BAZ1A: variants seen among roughly 807,000 people sequenced by gnomAD.
The protein encoded by BAZ1A is bromodomain adjacent to zinc finger domain protein 1A.
A neutral mutation model predicts 185.2 loss-of-function variants in BAZ1A; 50 were observed. The observed-to-expected ratio is 0.27, with a 90% CI of 0.22 to 0.34. BAZ1A has a LOEUF of 0.34. BAZ1A is among the 10% of genes least tolerant of loss of function. The pLI, the probability that BAZ1A is intolerant of heterozygous loss-of-function variation, is 1.00. For synonymous variants in BAZ1A, 571 were observed against 615.6 expected, an observed-to-expected ratio of 0.93 and a Z score of 1.07; for missense variants, 1,356 against 1,839.9, an observed-to-expected ratio of 0.74 and a Z score of 4.81.
At chr14:34,836,028 T>C (rs1211518053) in intron 3 of BAZ1A, among the ~76,000 whole-genome samples, 1 of 151,876 alleles carries the variant, frequency 6.6e-6, no homozygotes, top group Non-Finnish European at 1.5e-5. Context: ...AAAAAGCTAT[T>C]TTTAGTAGCC....
At chr14:34,826,403 T>A (rs1466136735) in intron 3 of BAZ1A, among the ~76,000 whole-genome samples, 1 of 152,232 alleles carries the variant, frequency 6.6e-6, no homozygotes, top group Non-Finnish European at 1.5e-5. Context: ...TTTCCTTCCT[T>A]CTGCTAGCTC....
Position 34,762,134 on chromosome 14 carries a change from T to C in BAZ1A, c.3866A>G (p.Gln1289Arg). The C allele has an allele frequency of 6.2e-7, 1 of 1,613,506 alleles. No individual in the cohort carries two copies. Among genetic ancestry groups the C allele is most frequent in the South Asian group, 1.1e-5 (1 of 90,458 alleles). ...SSSFSSRGQQ[Q>R]EPGRYPSRSQ... ...CCTTGAAGGGTATCTTCCAGGTTCT[T>C]GTTGTTGGCCACGACTTGAGAAAGA... Residue 1289 changes from glutamine to arginine, a missense_variant, in exon 24 of 27, where the codon CAA becomes CGA. Gln to Arg is a conservative substitution (Grantham distance 43, BLOSUM62 1). Around this residue, in one of 7 missense-constraint regions of BAZ1A, gnomAD observed 309 missense variants for 355.3 expected, o/e 0.87. Coordinates refer to ENST00000360310, the MANE Select transcript of BAZ1A (RefSeq NM_013448.3).
At chr14:34,778,812 TCAGA>T (rs1323820655) in intron 17 of BAZ1A, among the ~76,000 whole-genome samples, 4 of 152,246 alleles carry the variant, frequency 2.6e-5, no homozygotes, top group Admixed American at 1.3e-4. Context: ...TTTGTCTTTC[TCAGA>T]CAAACACACT....
intron 4 of BAZ1A, among the ~76,000 whole-genome samples, chr14:34,824,649 T>C (rs2042139918): frequency 6.6e-6 from 1 of 152,184 alleles, no homozygotes; most frequent in Non-Finnish European, 1.5e-5. Context: ...CACAGTCAAT[T>C]CTCAAATGCT....
chr14:34,781,787 G>A (rs1049291947), intron 16 of BAZ1A, among the ~76,000 whole-genome samples: 2 of 152,164 alleles, frequency 1.3e-5, no homozygotes, highest in Non-Finnish European at 2.9e-5. Context: ...GTGAGCCACC[G>A]CAATTGGTCG....
intron 12 of BAZ1A, among the ~76,000 whole-genome samples, chr14:34,787,617 A>T (rs547052080): frequency 6.6e-6 from 1 of 152,126 alleles, no homozygotes; most frequent in East Asian, 1.9e-4. Flanking sequence ...TGGGAGGCAC[A>T]GGTTTCAGTG....
chr14:34,821,403 T>C (rs2042087292), intron 4 of BAZ1A, among the ~76,000 whole-genome samples: 1 of 152,216 alleles, frequency 6.6e-6, no homozygotes, highest in South Asian at 2.1e-4. Context: ...AAATACTTGT[T>C]CCCTTCCCTT....
rs1886544572 is a variant in BAZ1A, at chr14:34,762,005, G to C, written c.3995C>G (p.Ala1332Gly). The C allele has an allele frequency of 2.5e-6, 4 of 1,614,172 alleles. No homozygotes were observed. In the East Asian group the frequency reaches 8.9e-5, roughly 36 times the overall value. ...ATGACTGTGGCGAGTAGAACGACTGGCAATTCTTAAAGATTTTGTTTCTGT... is the reference window on the plus strand; with the variant it reads ...ATGACTGTGGCGAGTAGAACGACTGCCAATTCTTAAAGATTTTGTTTCTGT... ...PPTETKSLRIASRSTRHSHGP... is the reference protein window; with the variant it reads ...PPTETKSLRIGSRSTRHSHGP... The change falls in exon 24 of 27, where the codon GCC becomes GGC. Residue 1332 changes from alanine to glycine, a missense_variant. Around this residue, in one of 7 missense-constraint regions of BAZ1A, gnomAD observed 309 missense variants for 355.3 expected, o/e 0.87. Transcript: ENST00000360310.
chr14:34,775,102 G>T (rs1879502778), intron 18 of BAZ1A, among the ~76,000 whole-genome samples: 1 of 151,956 alleles, frequency 6.6e-6, no homozygotes, highest in African/African-American at 2.4e-5. Flanking sequence ...TGTTATCCCA[G>T]CTACTTGGGA....
chr14:34,781,874 G>C (rs778799203), intron 16 of BAZ1A, among the ~76,000 whole-genome samples: 1 of 152,110 alleles, frequency 6.6e-6, no homozygotes, highest in Non-Finnish European at 1.5e-5. Flanking sequence ...CCTTTTTATT[G>C]TTGAACAATA....
intron 2 of BAZ1A, among the ~76,000 whole-genome samples, chr14:34,869,438 G>A (rs759918730): frequency 2.0e-5 from 3 of 152,154 alleles, no homozygotes; most frequent in South Asian, 2.1e-4. Flanking sequence ...GAAAGAGACA[G>A]AACTATCTCA....
intron 21 of BAZ1A, among the ~76,000 whole-genome samples, chr14:34,769,707 T>C (rs1879083265): frequency 6.6e-6 from 1 of 152,236 alleles, no homozygotes; most frequent in Non-Finnish European, 1.5e-5. Flanking sequence ...GGAATCACAG[T>C]GTTAGTAGTA....
In BAZ1A at chr14:34,874,085, C is replaced by A. The variant is rs2042998858; in HGVS notation, c.113+407G>T. Among the ~76,000 whole-genome samples, 1 of 152,186 alleles carries A rather than the reference C, an allele frequency of 6.6e-6. No homozygotes were observed. The highest frequency in any genetic ancestry group is 6.5e-5 in the Admixed American group (1 of 15,288). ...GCCCAGGGACTGCGGCCCCACGTCG[C>A]TGACCCTAGCGGGGATCCCCTCGGC... On this transcript the variant is annotated intron_variant, in intron 2 of 26. Transcript: ENST00000360310. This position sits in a 1 kb window ranked among gnomAD's most constrained non-coding sequence, Gnocchi z 4.7.
chr14:34,822,560 C>G (rs1338013422), intron 4 of BAZ1A, among the ~76,000 whole-genome samples: 4 of 151,554 alleles, frequency 2.6e-5, no homozygotes, highest in African/African-American at 4.9e-5. Flanking sequence ...CTGCAGTGAA[C>G]TGAGATCACG....
intron 12 of BAZ1A, among the ~76,000 whole-genome samples, chr14:34,789,980 A>G (rs1880734897): frequency 6.6e-6 from 1 of 152,332 alleles, no homozygotes; most frequent in African/African-American, 2.4e-5. Flanking sequence ...GCAGAAAATA[A>G]TATCTACCTC....
chr14:34,811,122 T>G (rs2041924307), intron 4 of BAZ1A, 86 bp from the exon 5 acceptor site: 2 of 946,496 alleles, frequency 2.1e-6, no homozygotes, highest in East Asian at 5.5e-5. Flanking sequence ...AAGAATATAC[T>G]ATAATAAAAT....
chr14:34,822,022 T>C (rs1447981508), intron 4 of BAZ1A, among the ~76,000 whole-genome samples: 1 of 138,358 alleles, frequency 7.2e-6, no homozygotes, highest in Non-Finnish European at 1.6e-5. Flanking sequence ...AGGCAGGGTG[T>C]GGTGGCTCAC....
At chr14:34,788,104 C>T (rs952751082) in intron 12 of BAZ1A, among the ~76,000 whole-genome samples, 5 of 150,598 alleles carry the variant, frequency 3.3e-5, no homozygotes, top group African/African-American at 1.2e-4. Flanking sequence ...CTGCAACCTC[C>T]GCCTCCCAGG....
chr14:34,783,835 G>T lies in BAZ1A; in HGVS notation c.1924C>A (p.Arg642=). 1 of 1,613,026 alleles carries T rather than the reference G, an allele frequency of 6.2e-7. No homozygotes were observed. The highest frequency in any genetic ancestry group is 1.3e-5 in the African/African-American group (1 of 74,906). Residue 642 remains arginine, a synonymous_variant, in exon 15 of 27, where the codon CGA becomes AGA. Transcript: ENST00000360310. ...TCCCGGAACTCCTGCTTTGCCTGTC[G>T]TAATATATCAACATAATCTTCAATA... is the stretch of plus-strand genomic sequence containing the variant. The part of the protein sequence containing the change: ...DFIEDYVDIL[R]QAKQEFRELK...
Sources: allele counts gnomAD v4.1 joint callset (sites outside exome capture counted in the v4.1 genomes callset), GRCh38; gene constraint gnomAD v4.1.1; regional missense constraint gnomAD v4.1.1; non-coding constraint Gnocchi (gnomAD v3.1); transcripts MANE v1.5; gene names NCBI Gene and HGNC (gene_info 2026-07-23, HGNC 2026-07-21).